The following TENM4 variants were observed in gnomAD, a reference collection of about 807,000 sequenced individuals.
TENM4 encodes teneurin-4.
Under a neutral mutation model 243.3 loss-of-function variants are expected in TENM4, and 82 were observed. The observed-to-expected ratio is 0.34, with a 90% CI of 0.28 to 0.40. The LOEUF (loss-of-function observed/expected upper bound fraction) is 0.40, where lower values mean the gene tolerates loss of function less well. Among genes scored for constraint, TENM4 ranks in the 10% least tolerant of loss-of-function variants. The probability of loss-of-function intolerance (pLI) is 1.00; values close to 1 mark genes in which losing one functional copy is unlikely to be tolerated. For synonymous variants in TENM4, 1,412 were observed against 1,456.3 expected (o/e 0.97, Z 0.69); for missense variants, 3,138 against 3,673.3 (o/e 0.85, Z 3.77).
intron 1 of TENM4, among the ~76,000 whole-genome samples, chr11:79,310,411 G>A (rs953725549): frequency 3.3e-5 from 5 of 152,230 alleles, no homozygotes; most frequent in Non-Finnish European, 5.9e-5. Context: ...ATAAAGGAGA[G>A]CAGCAAAATA....
At chr11:79,167,408 T>C (rs1862938439) in intron 3 of TENM4, among the ~76,000 whole-genome samples, 1 of 152,192 alleles carries the variant, frequency 6.6e-6, no homozygotes, top group African/African-American at 2.4e-5. Context: ...CACCAGAGAA[T>C]ATTCTAAGTG....
At chr11:79,118,510 A>G (rs1035873588) in intron 4 of TENM4, among the ~76,000 whole-genome samples, 3 of 152,166 alleles carry the variant, frequency 2.0e-5, no homozygotes, top group Non-Finnish European at 2.9e-5. Flanking sequence ...AGAACTCTTC[A>G]TCTTTCAAAA....
At chr11:78,818,275 T>C (rs115620935) in intron 12 of TENM4, among the ~76,000 whole-genome samples, 142 of 152,354 alleles carry the variant, frequency 9.3e-4, no homozygotes, top group African/African-American at 3.2e-3. Context: ...ATAAGTGTTA[T>C]ATACTTTGTT....
intron 1 of TENM4, among the ~76,000 whole-genome samples, chr11:79,318,505 T>C (rs1856838134): frequency 6.6e-6 from 1 of 152,212 alleles, no homozygotes; most frequent in African/African-American, 2.4e-5. Flanking sequence ...TGTTTGCTGA[T>C]TTCCATGGTG....
chr11:78,913,193 T>C (rs1591124121), intron 6 of TENM4, among the ~76,000 whole-genome samples: 1 of 152,364 alleles, frequency 6.6e-6, no homozygotes, highest in Middle Eastern at 3.4e-3. Flanking sequence ...AAACATGTGA[T>C]GGTTCTTCCC....
chr11:78,730,156 C>T (rs1172051527), intron 21 of TENM4, among the ~76,000 whole-genome samples: 1 of 152,200 alleles, frequency 6.6e-6, no homozygotes, highest in Non-Finnish European at 1.5e-5. Flanking sequence ...AGAAAGGTCA[C>T]ATAGGTAAAG....
At chr11:78,828,233 C>T (rs1410437303) in intron 12 of TENM4, among the ~76,000 whole-genome samples, 1 of 152,130 alleles carries the variant, frequency 6.6e-6, no homozygotes, top group Non-Finnish European at 1.5e-5. Flanking sequence ...GTTTCCAGAC[C>T]TGCAGCTTCA....
intron 1 of TENM4, among the ~76,000 whole-genome samples, chr11:79,342,858 C>A (rs367576786): frequency 4.7e-4 from 71 of 152,362 alleles, no homozygotes; most frequent in African/African-American, 1.4e-3. Flanking sequence ...TCCCTTCCCC[C>A]TGCCTGCGTC....
intron 6 of TENM4, among the ~76,000 whole-genome samples, chr11:79,043,680 G>A (rs1214039262): frequency 6.6e-6 from 1 of 152,116 alleles, no homozygotes; most frequent in African/African-American, 2.4e-5. Flanking sequence ...AACAGGACAT[G>A]GAAATATCAG....
At position 78,732,413 on chromosome 11, in the gene TENM4, C is replaced by CTCA. The variant is rs755176666; in HGVS notation, c.3038_3040dup (p.Leu1013_Ser1014insMet). The CTCA allele has an allele frequency of 4.3e-5, 70 of 1,613,814 alleles. No individual in the cohort carries two copies. The highest frequency in any genetic ancestry group is 5.8e-5 in the Non-Finnish European group (69 of 1,179,890). On this transcript the variant is annotated inframe_insertion, in exon 21 of 34. Transcript: ENST00000278550. ...GACTGGGTTGGGGCGGGCAAAATTG[C>CTCA]TCAGGTCACAGCTGGGAATCTCATT...
At chr11:78,940,811 G>A (rs1310970206) in intron 6 of TENM4, among the ~76,000 whole-genome samples, 1 of 152,182 alleles carries the variant, frequency 6.6e-6, no homozygotes, top group Non-Finnish European at 1.5e-5. Flanking sequence ...CCAGGGCACA[G>A]GTGTGGGGAG....
At chr11:78,759,314 G>A (rs1196244220) in intron 18 of TENM4, among the ~76,000 whole-genome samples, 3 of 152,242 alleles carry the variant, frequency 2.0e-5, no homozygotes, top group African/African-American at 7.2e-5. Flanking sequence ...AGCCCGAGCT[G>A]AGGGTTATTT....
At chr11:79,314,837 G>A (rs2135418831) in intron 1 of TENM4, among the ~76,000 whole-genome samples, 1 of 152,226 alleles carries the variant, frequency 6.6e-6, no homozygotes, top group South Asian at 2.1e-4. Context: ...AAAAAATATT[G>A]GTGCCCTGGC....
intron 3 of TENM4, among the ~76,000 whole-genome samples, chr11:79,183,595 G>A (rs553856564): frequency 9.9e-5 from 15 of 152,278 alleles, no homozygotes; most frequent in African/African-American, 3.6e-4. Context: ...GGTAACAAAT[G>A]TACCACTCTG....
chr11:78,850,704 A>G (rs1858515244), intron 12 of TENM4, among the ~76,000 whole-genome samples: 1 of 152,240 alleles, frequency 6.6e-6, no homozygotes, highest in African/African-American at 2.4e-5. Flanking sequence ...GGAAGGAGAA[A>G]GAGGATGGGA....
At chr11:78,951,039 C>G (rs1274545735) in intron 6 of TENM4, among the ~76,000 whole-genome samples, 1 of 152,250 alleles carries the variant, frequency 6.6e-6, no homozygotes, top group Non-Finnish European at 1.5e-5. Context: ...TGCTTGTCTC[C>G]TCCCACATCA....
intron 6 of TENM4, among the ~76,000 whole-genome samples, chr11:78,943,730 A>G (rs1240379356): frequency 6.6e-6 from 1 of 152,240 alleles, no homozygotes; most frequent in Non-Finnish European, 1.5e-5. Flanking sequence ...GTGCAAAAAT[A>G]CACCGTCAAG....
rs114183009 is a variant in TENM4, at chr11:78,955,071, G to A, written c.494-51548C>T. 3.9e-3 allele frequency among the ~76,000 whole-genome samples: 595 copies of A among 152,298 alleles called. 3 individuals are homozygous for A. Among genetic ancestry groups the A allele is most frequent in the African/African-American group, 0.013 (554 of 41,558 alleles). On this transcript the variant is annotated intron_variant, in intron 6 of 33. Transcript: ENST00000278550. ...GAAACTGAGCTCACATGATAGCAGC[G>A]GGCCTCACATGATGGCAGTGAGCCT...
intron 1 of TENM4, among the ~76,000 whole-genome samples, chr11:79,369,412 T>C (rs566171500): frequency 2.0e-5 from 3 of 152,312 alleles, no homozygotes; most frequent in African/African-American, 7.2e-5. Flanking sequence ...GCTTTCACTT[T>C]TTTTTTCTTT....
Sources: allele counts gnomAD v4.1 joint callset (sites outside exome capture counted in the v4.1 genomes callset), GRCh38; gene constraint gnomAD v4.1.1; transcripts MANE v1.5; gene names NCBI Gene and HGNC (gene_info 2026-07-23, HGNC 2026-07-21).